Variants in PROS1 observed in about 807,000 individuals in gnomAD.
The protein encoded by PROS1 is vitamin K-dependent protein S.
Under a neutral mutation model 75.9 loss-of-function variants are expected in PROS1, and 29 were observed. The observed-to-expected ratio is 0.38, with a 90% CI of 0.28 to 0.52. PROS1 has a LOEUF of 0.52. Among genes scored for constraint, PROS1 ranks in the 20% least tolerant of loss-of-function variants. PROS1 has a pLI of 0.83. For synonymous variants in PROS1, 245 were observed against 280.6 expected (o/e 0.87, Z 1.27); for missense variants, 680 against 810.3 (o/e 0.84, Z 1.95).
chr3:93,919,936 T>A (rs1205203700), intron 3 of PROS1, among the ~76,000 whole-genome samples: 9 of 152,198 alleles, frequency 5.9e-5, no homozygotes, highest in Non-Finnish European at 1.0e-4. Context: ...GTTCTGAAAA[T>A]ACCATATAGT....
chr3:93,971,385 A>G (rs935219122), intron 1 of PROS1, among the ~76,000 whole-genome samples: 4 of 148,988 alleles, frequency 2.7e-5, no homozygotes, highest in African/African-American at 9.8e-5. Flanking sequence ...ATAAATAAAT[A>G]AATAAATAAA....
intron 1 of PROS1, among the ~76,000 whole-genome samples, chr3:93,959,848 T>C (rs1709674007): frequency 6.6e-6 from 1 of 152,248 alleles, no homozygotes; most frequent in Non-Finnish European, 1.5e-5. Flanking sequence ...CAATATCAGC[T>C]GTTACCATAT....
intron 7 of PROS1, 91 bp from the exon 8 acceptor site, chr3:93,898,660 A>AC: frequency 2.1e-6 from 3 of 1,401,428 alleles, no homozygotes; most frequent in Non-Finnish European, 3.0e-6. Context: ...GTAGTATGAT[A>AC]TAATCAATGA....
In PROS1 at chr3:93,877,009, T is replaced by C; in HGVS notation, c.1827A>G (p.Lys609=). The change falls in exon 14 of 15, where the codon AAA becomes AAG. Residue 609 remains lysine (K), a synonymous_variant. Transcript: ENST00000394236. ...ATGTGGCCACTTTTGCTTTCATTGCTTTGTCCAAGACGGCAAGTTGTCTTT... is the reference window on the plus strand; with the variant it reads ...ATGTGGCCACTTTTGCTTTCATTGCCTTGTCCAAGACGGCAAGTTGTCTTT... ...DLQRQLAVLD[K]AMKAKVATYL... is the part of the protein sequence containing the mutation. 6.2e-7 allele frequency: 1 copy of C among 1,613,366 alleles called. No homozygotes were observed. Among genetic ancestry groups the C allele is most frequent in the Non-Finnish European group, 8.5e-7 (1 of 1,179,428 alleles).
At chr3:93,971,061 G>T (rs1191445122) in intron 1 of PROS1, among the ~76,000 whole-genome samples, 6 of 151,780 alleles carry the variant, frequency 4.0e-5, no homozygotes, top group Non-Finnish European at 8.8e-5. Context: ...TGAATTATAG[G>T]CTGGATAAGG....
intron 9 of PROS1, 110 bp downstream of exon 9, chr3:93,896,466 C>T: frequency 2.4e-6 from 2 of 817,900 alleles, no homozygotes; most frequent in Non-Finnish European, 4.3e-6. Context: ...AATATGACTA[C>T]ATTATCTGAT....
Position 93,877,068 on chromosome 3 carries a change from G to A in PROS1, c.1768C>T (p.Leu590Phe), listed in dbSNP as rs1392594183. ...TCATGGGAGATGGTTTCTATTTTAA[G>A]TGGTGTCGACAACTCCAGATTGTTT... The part of the protein sequence containing the change: ...NRNNLELSTP[L>F]KIETISHEDL... The change falls in exon 14 of 15, where the codon CTT (leucine) becomes TTT (phenylalanine). Residue 590 changes from leucine to phenylalanine, a missense_variant. Coordinates refer to ENST00000394236, the MANE Select transcript of PROS1 (RefSeq NM_000313.4). The A allele has an allele frequency of 1.2e-5, 20 of 1,613,584 alleles. No individual in the cohort carries two copies. The highest frequency in any genetic ancestry group is 1.6e-5 in the Non-Finnish European group (19 of 1,179,638).
intron 6 of PROS1, among the ~76,000 whole-genome samples, chr3:93,901,960 G>A (rs1373588844): frequency 6.6e-6 from 1 of 152,116 alleles, no homozygotes; most frequent in Non-Finnish European, 1.5e-5. Flanking sequence ...CTATGTTTTT[G>A]AAATAAAGTA....
intron 11 of PROS1, 25 bp from the exon 12 acceptor site, chr3:93,884,921 G>T (rs1477922457): frequency 6.2e-7 from 1 of 1,601,298 alleles, no homozygotes; most frequent in Non-Finnish European, 8.5e-7. Context: ...TACAAGTCAA[G>T]GAGTGCATTT....
intron 3 of PROS1, among the ~76,000 whole-genome samples, chr3:93,915,178 C>A (rs1708822999): frequency 6.6e-6 from 1 of 152,130 alleles, no homozygotes; most frequent in Non-Finnish European, 1.5e-5. Context: ...TTAAAAGTAG[C>A]CACAAAGGCT....
chr3:93,908,296 A>G (rs1708706210), intron 4 of PROS1, among the ~76,000 whole-genome samples: 1 of 152,186 alleles, frequency 6.6e-6, no homozygotes, highest in African/African-American at 2.4e-5. Flanking sequence ...CGTAATTCCT[A>G]AGGAAAAGAA....
intron 1 of PROS1, among the ~76,000 whole-genome samples, chr3:93,969,698 C>A (rs996569971): frequency 3.3e-5 from 5 of 152,154 alleles, no homozygotes; most frequent in Admixed American, 6.5e-5. Flanking sequence ...CTTCTGTAGG[C>A]CTGGCTGTTC....
At chr3:93,926,717 G>A (rs556787796) in intron 2 of PROS1, among the ~76,000 whole-genome samples, 11 of 152,348 alleles carry the variant, frequency 7.2e-5, no homozygotes, top group South Asian at 6.2e-4. Context: ...ATGCGTGCGC[G>A]CGCACACGCA....
chr3:93,925,503 C>T (rs1709002887), intron 2 of PROS1, among the ~76,000 whole-genome samples: 1 of 151,890 alleles, frequency 6.6e-6, no homozygotes, highest in South Asian at 2.1e-4. Flanking sequence ...AATGATCACA[C>T]CTGTAATCAT....
At chr3:93,956,563 A>ACACACACACACACACACAC (rs57080075) in intron 1 of PROS1, among the ~76,000 whole-genome samples, 1 of 128,306 alleles carries the variant, frequency 7.8e-6, no homozygotes, top group Non-Finnish European at 1.7e-5. Context: ...CACACACACA[A>ACACACACACACACACACAC]ACACACACAC....
chr3:93,927,775 G>A (rs1576198671), intron 1 of PROS1, among the ~76,000 whole-genome samples: 1 of 149,890 alleles, frequency 6.7e-6, no homozygotes, highest in African/African-American at 2.5e-5. Flanking sequence ...GCTGATGTGG[G>A]AGGTCCACCT....
chr3:93,903,056 G>T (rs559401869), intron 6 of PROS1, among the ~76,000 whole-genome samples: 1 of 152,066 alleles, frequency 6.6e-6, no homozygotes, highest in East Asian at 2.0e-4. Context: ...TAGTAGAGAC[G>T]GGGTTTCAGC....
At chr3:93,927,147 T>C in intron 2 of PROS1, 103 bp downstream of exon 2, 1 of 1,439,946 alleles carries the variant, frequency 6.9e-7, no homozygotes, top group Admixed American at 1.7e-5. Flanking sequence ...ATACACAGAA[T>C]TATTGACTTT....
At chr3:93,946,512 A>G (rs957799666) in intron 1 of PROS1, among the ~76,000 whole-genome samples, 2 of 152,120 alleles carry the variant, frequency 1.3e-5, no homozygotes, top group East Asian at 1.9e-4. Context: ...CACATCTACA[A>G]CCACCTGATC....
Sources: allele counts gnomAD v4.1 joint callset (sites outside exome capture counted in the v4.1 genomes callset), GRCh38; gene constraint gnomAD v4.1.1; transcripts MANE v1.5; gene names NCBI Gene and HGNC (gene_info 2026-07-23, HGNC 2026-07-21).